The following MATN4 variants were observed in gnomAD, a reference collection of about 807,000 sequenced individuals.
MATN4 encodes the protein matrilin-4.
A neutral mutation model predicts 54.6 loss-of-function variants in MATN4; 40 were observed. That is an observed-to-expected ratio of 0.73 (90% CI 0.57 to 0.95). The LOEUF is 0.95. Ranked by LOEUF, MATN4 falls within the 40% of genes least tolerant of loss-of-function variation. MATN4 has a pLI of 0.00. For missense variants in MATN4, 810 were observed against 819.1 expected (o/e 0.99, Z 0.13); for synonymous variants, 351 against 345.3 (o/e 1.02, Z -0.18).
chr20:45,303,105 G>A (rs66494230), intron 3 of MATN4, among the ~76,000 whole-genome samples: 20,530 of 83,936 alleles, frequency 0.24, 2,182 homozygotes, highest in African/African-American at 0.29. Flanking sequence ...AAAAAAAAAA[G>A]AGAGAGAGAA....
At chr20:45,299,648 C>T (rs11906732) in intron 6 of MATN4, among the ~76,000 whole-genome samples, 7,304 of 151,724 alleles carry the variant, frequency 0.048, 337 homozygotes, top group Admixed American at 0.16. Flanking sequence ...GAGGCTGAGG[C>T]GGGCAGATCA....
At chr20:45,296,566 G>A (rs1476418154) in intron 8 of MATN4, among the ~76,000 whole-genome samples, 2 of 152,112 alleles carry the variant, frequency 1.3e-5, no homozygotes, top group Non-Finnish European at 2.9e-5. Context: ...TAGAACTAGA[G>A]GTAACCTTGG....
Position 45,293,522 on chromosome 20 carries a change from G to A in MATN4, c.*245C>T, listed in dbSNP as rs1985600983. 1 of 467,730 alleles carries A rather than the reference G, an allele frequency of 2.1e-6. No individual in the cohort carries two copies. The allele number at this position is 467,730 out of a possible 1,614,324, so 29.0% of individuals were successfully genotyped here. A position where few individuals can be genotyped will look rare whatever the true frequency, so the allele number is the denominator to read the frequency against. On this transcript the variant is annotated 3_prime_UTR_variant, in exon 10 of 10. Coordinates refer to ENST00000372756, the MANE Select transcript of MATN4 (RefSeq NM_001393530.1). ...AACAAAGAACTGAGCGCAGCACGCG[G>A]CGAGGGCGTGCCGGTCTAGCACGTG...
At chr20:45,299,231 G>C (rs538852948) in intron 6 of MATN4, among the ~76,000 whole-genome samples, 1 of 152,270 alleles carries the variant, frequency 6.6e-6, no homozygotes, top group African/African-American at 2.4e-5. Flanking sequence ...GTGTGTGTTG[G>C]CGTGGGGAGG....
Position 45,293,734 on chromosome 20 carries a change from C to T in MATN4, c.*33G>A. 4 of 1,570,028 alleles carry T rather than the reference C, an allele frequency of 2.5e-6. No homozygotes were observed. The highest frequency in any genetic ancestry group is 3.4e-6 in the Non-Finnish European group (4 of 1,161,678). On this transcript the variant is annotated 3_prime_UTR_variant, in exon 10 of 10. Transcript: ENST00000372756. ...GCAAGGGGCACCGTCCGTGGTGCCG[C>T]GCCCCAGCCCGGGTCTGGGCCGTCC...
In MATN4 at chr20:45,305,557, AC is replaced by A; in HGVS notation, c.25del (p.Val9CysfsTer15). 1 of 1,560,518 alleles carries A rather than the reference AC, an allele frequency of 6.4e-7. No homozygotes were observed. Among genetic ancestry groups the A allele is most frequent in the Non-Finnish European group, 8.7e-7 (1 of 1,152,158 alleles). ...CCAGGGCTGAAGAAGGAGCAGCAAC[AC>A]GGGCCAGCAAAGAAGGCCTCTCATG... MRGLLCWPVLLLLLQPWET... is the reference protein window; with the variant it reads MRGLLCWPXLLLLLQPWET... On this transcript the variant is annotated frameshift_variant, in exon 2 of 10. Transcript: ENST00000372756. LOFTEE classifies it high-confidence loss of function.
chr20:45,294,637 T>C (rs1985696365), intron 8 of MATN4, among the ~76,000 whole-genome samples: 1 of 152,248 alleles, frequency 6.6e-6, no homozygotes, highest in South Asian at 2.1e-4. Flanking sequence ...ACTGCCTACC[T>C]TTTTGAAAAA....
At chr20:45,299,635 T>G (rs1986085860) in intron 6 of MATN4, among the ~76,000 whole-genome samples, 1 of 151,902 alleles carries the variant, frequency 6.6e-6, no homozygotes, top group African/African-American at 2.4e-5. Flanking sequence ...CCCAGCACTT[T>G]GGGAGGCTGA....
rs769870786 is a variant in MATN4, at chr20:45,305,525, G to C, written c.58C>G (p.Gln20Glu). 6.4e-7 allele frequency: 1 copy of C among 1,555,928 alleles called. No homozygotes were observed. The highest frequency in any genetic ancestry group is 8.7e-7 in the Non-Finnish European group (1 of 1,149,594). The change falls in exon 2 of 10, where the codon CAG becomes GAG. Residue 20 changes from glutamine (Q) to glutamate (E), a missense_variant. Physicochemically the swap from Gln to Glu is conservative, Grantham distance 29 (BLOSUM62 2). Coordinates refer to ENST00000372756, the MANE Select transcript of MATN4 (RefSeq NM_001393530.1). ...LLLLLQPWETQLQLTGPRCHT... is the reference protein window; with the variant it reads ...LLLLLQPWETELQLTGPRCHT... ...CCCAGTTCACCTGTCAACTGGAGCT[G>C]GGTTTCCCAGGGCTGAAGAAGGAGC...
Position 45,297,933 on chromosome 20 carries a change from C to T in MATN4, c.1564G>A (p.Gly522Ser), listed in dbSNP as rs2227275. ...TMTHLLENLR[G>S]SICPEEGISA... ...ATGCGCTCACCTGGACAGATGCTGCCTCTGAGGTTCTCCAGCAGGTGCGTC... is the reference window on the plus strand; with the variant it reads ...ATGCGCTCACCTGGACAGATGCTGCTTCTGAGGTTCTCCAGCAGGTGCGTC... The change falls in exon 8 of 10, where the codon GGC becomes AGC. Residue 522 changes from glycine to serine, a missense_variant. Coordinates refer to ENST00000372756, the MANE Select transcript of MATN4 (RefSeq NM_001393530.1). The T allele has an allele frequency of 0.24, 390,721 of 1,613,578 alleles. 49,094 individuals are homozygous for T. Among genetic ancestry groups the T allele is most frequent in the Admixed American group, 0.33 (19,827 of 60,002 alleles).
intron 1 of MATN4, among the ~76,000 whole-genome samples, 189 bp from the exon 2 acceptor site, chr20:45,305,805 CT>C (rs758735302): frequency 2.2e-4 from 14 of 64,686 alleles, no homozygotes; most frequent in Non-Finnish European, 2.3e-4. Flanking sequence ...ACAAGAGATT[CT>C]TTTTTTTTTT....
At chr20:45,303,520 A>C (rs549767686) in intron 3 of MATN4, 1 of 708,058 alleles carries the variant, frequency 1.4e-6, no homozygotes, top group East Asian at 2.7e-5. Flanking sequence ...CCCTGAGGAC[A>C]CACAGGACTA....
intron 3 of MATN4, among the ~76,000 whole-genome samples, chr20:45,301,902 G>A (rs1033461933): frequency 1.3e-5 from 2 of 151,840 alleles, no homozygotes; most frequent in African/African-American, 4.8e-5. Flanking sequence ...GTATGAAGAT[G>A]AGTAACTCTG....
chr20:45,293,575 CT>C lies in MATN4; in HGVS notation c.*191del, dbSNP rs1419511165. The C allele has an allele frequency of 3.6e-6, 2 of 550,776 alleles. No individual in the cohort carries two copies. Among genetic ancestry groups the C allele is most frequent in the Non-Finnish European group, 6.3e-6 (2 of 319,886 alleles). 34.1% of individuals were successfully genotyped at this position (550,776 alleles called of 1,614,324 possible). A position where few individuals can be genotyped will look rare whatever the true frequency, so the allele number is the denominator to read the frequency against. On this transcript the variant is annotated 3_prime_UTR_variant, in exon 10 of 10. Coordinates refer to ENST00000372756, the MANE Select transcript of MATN4 (RefSeq NM_001393530.1). ...CCTTCCCTCACCACCCGCTATCCCC[CT>C]GACGCCGCAGTCCGCCTAATGGTCC... is the stretch of plus-strand genomic sequence containing the variant.
In MATN4 at chr20:45,294,320, A is replaced by G. The variant is rs145903662; in HGVS notation, c.1580-305T>C. ...CACAACTTACAAGACTGTTTCTCAA[A>G]CCTTAATGCTCATTGGAATCATCAG... On this transcript the variant is annotated intron_variant, in intron 8 of 9. Coordinates refer to ENST00000372756, the MANE Select transcript of MATN4 (RefSeq NM_001393530.1). 6.6e-3 allele frequency among the ~76,000 whole-genome samples: 1,007 copies of G among 152,298 alleles called. 47 individuals are homozygous for G. Among genetic ancestry groups the G allele is most frequent in the Admixed American group, 0.062 (941 of 15,292 alleles).
intron 6 of MATN4, among the ~76,000 whole-genome samples, chr20:45,299,886 A>AC (rs1555853359): frequency 9.6e-6 from 1 of 104,596 alleles, no homozygotes; most frequent in Non-Finnish European, 1.9e-5. Flanking sequence ...TCAAAAAAAA[A>AC]AAAAAAAAAA....
At chr20:45,302,050 C>T (rs1986267386) in intron 3 of MATN4, among the ~76,000 whole-genome samples, 1 of 152,008 alleles carries the variant, frequency 6.6e-6, no homozygotes, top group Admixed American at 6.6e-5. Context: ...CACATACACG[C>T]TTGTGTATGC....
intron 1 of MATN4, 76 bp from the exon 2 acceptor site, chr20:45,305,692 G>C: frequency 1.5e-6 from 1 of 647,878 alleles, no homozygotes; most frequent in East Asian, 3.0e-5. Context: ...ACTTGGAGGG[G>C]GAAGACAGTT....
Position 45,305,725 on chromosome 20 carries a change from T to C in MATN4, c.-34-109A>G, listed in dbSNP as rs538779063. ...GTTACAGGTTTATTTTACTAATCTC[T>C]CTATTTTTGTGTATGTTTGAAATGT... On this transcript the variant is annotated intron_variant, in intron 1 of 9. Coordinates refer to ENST00000372756, the MANE Select transcript of MATN4 (RefSeq NM_001393530.1). 1.6e-5 allele frequency: 8 copies of C among 496,554 alleles called. No homozygotes were observed. The East Asian group carries it at 2.8e-4, about 17-fold the overall frequency. The allele number at this position is 496,554 out of a possible 1,614,324, so 30.8% of individuals were successfully genotyped here.
Sources: gnomAD v4.1 joint callset for allele counts (sites outside exome capture counted in the v4.1 genomes callset) on GRCh38, gnomAD v4.1.1 for gene constraint, MANE v1.5 for transcripts, NCBI Gene and HGNC (gene_info 2026-07-23, HGNC 2026-07-21) for gene names.